Variants in VIT observed in about 807,000 individuals in gnomAD.
The protein encoded by VIT is vitrin.
A neutral mutation model predicts 78.0 loss-of-function variants in VIT; 99 were observed. The observed-to-expected ratio is 1.27, with a 90% confidence interval of 1.08 to 1.50. The LOEUF (loss-of-function observed/expected upper bound fraction) is 1.50. VIT is among the 40% of genes most tolerant of loss of function. VIT has a pLI of 0.00. For missense variants in VIT, 1,126 were observed against 875.3 expected, an observed-to-expected ratio of 1.29 and a Z score of -3.61; for synonymous variants, 374 against 334.3, an observed-to-expected ratio of 1.12 and a Z score of -1.29.
chr2:36,763,608 A>C (rs1354834635), intron 6 of VIT, among the ~76,000 whole-genome samples: 2 of 67,882 alleles, frequency 2.9e-5, no homozygotes, highest in African/African-American at 1.3e-4. Flanking sequence ...TTTTTTTTTG[A>C]GATGAAGTTT....
At chr2:36,754,448 G>T (rs1668645287) in intron 4 of VIT, among the ~76,000 whole-genome samples, 1 of 152,100 alleles carries the variant, frequency 6.6e-6, no homozygotes, top group African/African-American at 2.4e-5. Flanking sequence ...CATCTTTGGG[G>T]GATGCTTTTT....
intron 12 of VIT, among the ~76,000 whole-genome samples, chr2:36,792,427 G>A (rs1205323709): frequency 6.6e-6 from 1 of 152,102 alleles, no homozygotes; most frequent in Non-Finnish European, 1.5e-5. Context: ...CTATCATGCA[G>A]GGCTCCTGGA....
rs748542499 is a variant in VIT at position 36,767,103 on chromosome 2, C to T, written c.497C>T (p.Thr166Ile). The T allele has an allele frequency of 6.3e-7, 1 of 1,598,996 alleles. No individual in the cohort carries two copies. Among genetic ancestry groups the T allele is most frequent in the South Asian group, 1.1e-5 (1 of 88,296 alleles). ...KSPAAQAGET[T>I]KAYQRPPIPG... is the part of the protein sequence containing the mutation. ...TTCCATTTTCTTACAGGTGAGACCA[C>T]AAAAGCCTATCAGAGGCCACCTATT... Residue 166 changes from threonine to isoleucine, a missense_variant, in exon 7 of 16, where the codon ACA becomes ATA. Physicochemically the swap from Thr to Ile is moderately conservative, Grantham distance 89. Coordinates refer to ENST00000379242, the MANE Select transcript of VIT (RefSeq NM_053276.4).
chr2:36,758,627 CCCGTTCACCTACTGATA>C (rs1209903603), intron 5 of VIT, among the ~76,000 whole-genome samples: 1 of 152,344 alleles, frequency 6.6e-6, no homozygotes, highest in East Asian at 1.9e-4. Context: ...GGAGGGCTTT[CCCGTTCACCTACTGATA>C]CAATTAAACA....
Position 36,805,457 on chromosome 2 carries a change from G to T in VIT, c.1182G>T (p.Val394=). ...TTCCAGGTCGGGCCATCTCCTTTGT[G>T]ACCAAGAACTTCTTTTCCAAAGCCA... is the stretch of plus-strand genomic sequence containing the variant. The part of the protein sequence containing the change: ...LSNVGRAISF[V]TKNFFSKANG... Residue 394 remains valine, a synonymous_variant, in exon 14 of 16, where the codon GTG becomes GTT. Coordinates refer to ENST00000379242, the MANE Select transcript of VIT (RefSeq NM_053276.4). 1 of 1,611,992 alleles carries T rather than the reference G, an allele frequency of 6.2e-7. No individual in the cohort carries two copies. The highest frequency in any genetic ancestry group is 1.1e-5 in the South Asian group (1 of 90,718).
At chr2:36,717,349 T>A (rs1666221250) in intron 2 of VIT, among the ~76,000 whole-genome samples, 1 of 123,660 alleles carries the variant, frequency 8.1e-6, no homozygotes, top group Non-Finnish European at 1.6e-5. Flanking sequence ...TGTGTGTGTG[T>A]GTGTGTGTGT....
chr2:36,764,203 T>G (rs544211054), intron 6 of VIT, among the ~76,000 whole-genome samples: 218 of 152,362 alleles, frequency 1.4e-3, no homozygotes, highest in African/African-American at 5.0e-3. Flanking sequence ...TTTAGTACAT[T>G]GCAGTTTCAT....
chr2:36,747,357 G>T (rs1668199792), intron 4 of VIT, among the ~76,000 whole-genome samples: 1 of 152,146 alleles, frequency 6.6e-6, no homozygotes, highest in Admixed American at 6.5e-5. Flanking sequence ...TTCTTTGTCA[G>T]TTTTCTGTCT....
intron 5 of VIT, among the ~76,000 whole-genome samples, chr2:36,758,577 C>T (rs1668908015): frequency 6.6e-6 from 1 of 152,210 alleles, no homozygotes; most frequent in African/African-American, 2.4e-5. Flanking sequence ...GAAAGTGAGC[C>T]TATGACCGGA....
At chr2:36,786,336 T>C (rs1190888176) in intron 11 of VIT, among the ~76,000 whole-genome samples, 4 of 152,206 alleles carry the variant, frequency 2.6e-5, no homozygotes, top group Non-Finnish European at 2.9e-5. Flanking sequence ...ATGATATCAT[T>C]CCTGTCTACC....
chr2:36,714,666 C>G (rs1666013327), intron 1 of VIT, among the ~76,000 whole-genome samples: 1 of 152,176 alleles, frequency 6.6e-6, no homozygotes, highest in Non-Finnish European at 1.5e-5. Context: ...TTTTCATTCT[C>G]CACAAACTTC....
chr2:36,751,115 G>C (rs1313465814), intron 4 of VIT, among the ~76,000 whole-genome samples: 3 of 152,114 alleles, frequency 2.0e-5, no homozygotes, highest in Non-Finnish European at 2.9e-5. Context: ...AAAAAATTTA[G>C]CTGGGTGTGG....
rs200951052 is a variant in VIT at position 36,808,722 on chromosome 2, C to T, written c.1640C>T (p.Thr547Met). 1.7e-5 allele frequency: 27 copies of T among 1,614,238 alleles called. No individual in the cohort carries two copies. The highest frequency in any genetic ancestry group is 2.2e-5 in the East Asian group (1 of 44,878). ...GAGTTTGAGATTTCCGACACGGACACGCGCATCGGGGCCGTGCAGTACACC... is the reference window on the plus strand; with the variant it reads ...GAGTTTGAGATTTCCGACACGGACATGCGCATCGGGGCCGTGCAGTACACC... ...TKEFEISDTDTRIGAVQYTYE... is the reference protein window; with the variant it reads ...TKEFEISDTDMRIGAVQYTYE... Residue 547 changes from threonine (T) to methionine (M), a missense_variant, in exon 15 of 16, where the codon ACG (threonine) becomes ATG (methionine). Thr to Met is a moderately conservative substitution (Grantham distance 81, BLOSUM62 -1). Coordinates refer to ENST00000379242, the MANE Select transcript of VIT (RefSeq NM_053276.4).
At chr2:36,729,985 A>C (rs1667094034) in intron 3 of VIT, among the ~76,000 whole-genome samples, 1 of 152,220 alleles carries the variant, frequency 6.6e-6, no homozygotes, top group Non-Finnish European at 1.5e-5. Context: ...TGTATCAGTT[A>C]AGATTAGATG....
At chr2:36,775,420 A>G (rs920326802) in intron 9 of VIT, among the ~76,000 whole-genome samples, 7 of 152,160 alleles carry the variant, frequency 4.6e-5, no homozygotes, top group African/African-American at 1.7e-4. Context: ...GATACAGCAC[A>G]TGGTTCGGAT....
At chr2:36,812,172 G>C (rs1049134300) in intron 15 of VIT, among the ~76,000 whole-genome samples, 20 of 152,090 alleles carry the variant, frequency 1.3e-4, no homozygotes, top group Non-Finnish European at 2.8e-4. Context: ...AACTGGAGGA[G>C]GGAGAAAGGG....
chr2:36,770,396 T>C lies in VIT; in HGVS notation c.679+3111T>C, dbSNP rs549848377. On this transcript the variant is annotated intron_variant, in intron 7 of 15. Transcript: ENST00000379242. ...AGAGGGCTCAAGGGAGAGCGGAAAG[T>C]ACATAGCAGGAAGACACAGGGGTTC... Among the ~76,000 whole-genome samples, 105 of 152,256 alleles carry C rather than the reference T, an allele frequency of 6.9e-4. 2 individuals are homozygous for C. In the South Asian group the frequency reaches 0.021, roughly 31 times the overall value.
intron 11 of VIT, 129 bp from the exon 12 acceptor site, chr2:36,787,000 T>C (rs1474971187): frequency 1.7e-6 from 2 of 1,192,062 alleles, no homozygotes; most frequent in Non-Finnish European, 2.4e-6. Flanking sequence ...ATACCCTGCA[T>C]CTTCCTACCT....
At chr2:36,708,747 G>C (rs182685960) in intron 1 of VIT, among the ~76,000 whole-genome samples, 25 of 152,208 alleles carry the variant, frequency 1.6e-4, no homozygotes, top group Admixed American at 1.6e-3. Flanking sequence ...GCCCCTCCCA[G>C]TCCCCACGTT....
Sources: allele counts gnomAD v4.1 joint callset (sites outside exome capture counted in the v4.1 genomes callset), GRCh38; gene constraint gnomAD v4.1.1; transcripts MANE v1.5; gene names NCBI Gene and HGNC (gene_info 2026-07-23, HGNC 2026-07-21).